The following TENM3 variants were observed in gnomAD, a reference collection of about 807,000 sequenced individuals.
TENM3 encodes the protein teneurin-3.
TENM3 carries 63 observed loss-of-function variants against 255.1 expected under a neutral mutation model. That is an observed-to-expected ratio of 0.25 (90% CI 0.20 to 0.30). TENM3 has a LOEUF of 0.30. TENM3 is among the 10% of genes least tolerant of loss of function. The pLI is 1.00. For synonymous variants in TENM3, 1,306 were observed against 1,322.3 expected (o/e 0.99, Z 0.27); for missense variants, 2,929 against 3,461.1 (o/e 0.85, Z 3.86).
At chr4:181,522,125 AAAAAAG>A in the TENM3 span, among the ~76,000 whole-genome samples, 18 of 149,530 alleles carry the variant, frequency 1.2e-4, no homozygotes, top group South Asian at 1.3e-3. Flanking sequence ...AAAAAAAAAA[AAAAAAG>A]AAGAAGCTAA....
the TENM3 span, among the ~76,000 whole-genome samples, chr4:181,952,086 C>T: frequency 6.6e-6 from 1 of 152,098 alleles, no homozygotes; most frequent in Non-Finnish European, 1.5e-5. Context: ...TGTCATAATG[C>T]CTGTCGTGAA....
intron 5 of TENM3, among the ~76,000 whole-genome samples, chr4:182,642,131 T>C (rs1752369076): frequency 6.6e-6 from 1 of 152,212 alleles, no homozygotes; most frequent in Non-Finnish European, 1.5e-5. Flanking sequence ...TTCTCTAGCT[T>C]ATAGGTAATG....
chr4:181,707,051 A>G, the TENM3 span, among the ~76,000 whole-genome samples: 3 of 152,134 alleles, frequency 2.0e-5, no homozygotes, highest in Non-Finnish European at 4.4e-5. Flanking sequence ...TGCAGGCCAT[A>G]CTGTTATATT....
intron 3 of TENM3, among the ~76,000 whole-genome samples, chr4:182,412,283 A>G (rs1037719043): frequency 1.3e-5 from 2 of 152,150 alleles, no homozygotes; most frequent in African/African-American, 2.4e-5. Context: ...CAAGGTGCCA[A>G]TACAAGATCT....
the TENM3 span, among the ~76,000 whole-genome samples, chr4:181,511,535 C>T: frequency 6.6e-6 from 1 of 152,206 alleles, no homozygotes; most frequent in Non-Finnish European, 1.5e-5. Context: ...AGGCTGCCCT[C>T]TAAAACAGCA....
the TENM3 span, among the ~76,000 whole-genome samples, chr4:181,562,967 G>A: frequency 6.6e-6 from 1 of 152,204 alleles, no homozygotes; most frequent in Non-Finnish European, 1.5e-5. Context: ...GAGCCACCGT[G>A]CCGGGCCCTT....
chr4:182,211,346 A>G (rs1755029629), intron 1 of TENM3, among the ~76,000 whole-genome samples: 1 of 152,206 alleles, frequency 6.6e-6, no homozygotes, highest in Non-Finnish European at 1.5e-5. Flanking sequence ...ACACTAATAA[A>G]TTAGATTCAG....
chr4:182,718,151 C>T lies in TENM3; in HGVS notation c.2368+3918C>T, dbSNP rs75054495. On this transcript the variant is annotated intron_variant, in intron 13 of 27. Coordinates refer to ENST00000511685, the MANE Select transcript of TENM3 (RefSeq NM_001080477.4). Reference sequence around the variant, plus strand: ...AAAGACCCTGGTCTCACATGTGAGACGTTCAACTCAAACATTATTACACGT... The same window carrying T: ...AAAGACCCTGGTCTCACATGTGAGATGTTCAACTCAAACATTATTACACGT... Among the ~76,000 whole-genome samples the T allele has an allele frequency of 2.7e-4, 41 of 151,808 alleles. No individual in the cohort carries two copies. In the East Asian group the frequency reaches 6.0e-3, roughly 22 times the overall value.
chr4:182,729,515 T>A (rs1760507507), intron 14 of TENM3, among the ~76,000 whole-genome samples: 1 of 152,232 alleles, frequency 6.6e-6, no homozygotes. Context: ...GTGCACTTTT[T>A]TTTTTTTAGC....
intron 13 of TENM3, among the ~76,000 whole-genome samples, chr4:182,724,949 AT>A (rs2152700674): frequency 6.6e-6 from 1 of 152,330 alleles, no homozygotes; most frequent in South Asian, 2.1e-4. Flanking sequence ...AAGGTACTAT[AT>A]CATAAAACAC....
chr4:182,207,439 C>T (rs1260150953), intron 1 of TENM3, among the ~76,000 whole-genome samples: 1 of 152,194 alleles, frequency 6.6e-6, no homozygotes, highest in Non-Finnish European at 1.5e-5. Context: ...CTAAACAGGA[C>T]TCCAAAGCTT....
At chr4:182,140,992 C>G (rs1453491887), upstream of TENM3, among the ~76,000 whole-genome samples, 1 of 148,816 alleles carries the variant, frequency 6.7e-6, no homozygotes, top group African/African-American at 2.5e-5. Flanking sequence ...TATATCCCTC[C>G]CCCCCGCCCC....
At chr4:181,474,341 A>T in the TENM3 span, among the ~76,000 whole-genome samples, 1 of 152,160 alleles carries the variant, frequency 6.6e-6, no homozygotes, top group African/African-American at 2.4e-5. Flanking sequence ...AAAGACTAGA[A>T]AGTCATTCTA....
intron 3 of TENM3, among the ~76,000 whole-genome samples, chr4:182,503,204 G>A (rs1736490463): frequency 6.6e-6 from 1 of 152,054 alleles, no homozygotes; most frequent in Admixed American, 6.6e-5. Context: ...TGGGGAGAGT[G>A]TATACATGTG....
intron 3 of TENM3, among the ~76,000 whole-genome samples, chr4:182,557,641 A>G (rs1181256338): frequency 6.6e-6 from 1 of 152,138 alleles, no homozygotes; most frequent in Admixed American, 6.6e-5. Context: ...ATGCTTAAAT[A>G]GAAGCCACAG....
intron 24 of TENM3, among the ~76,000 whole-genome samples, chr4:182,777,865 A>G (rs1026887638): frequency 2.0e-5 from 3 of 149,888 alleles, no homozygotes; most frequent in African/African-American, 7.3e-5. Context: ...TTATATATAT[A>G]TATATATATG....
the TENM3 span, among the ~76,000 whole-genome samples, chr4:181,771,587 A>C: frequency 6.6e-6 from 1 of 152,260 alleles, no homozygotes; most frequent in Non-Finnish European, 1.5e-5. Context: ...GATGCCCGGC[A>C]GACAAACTGC....
intron 3 of TENM3, among the ~76,000 whole-genome samples, chr4:182,488,189 A>G (rs1169204730): frequency 6.6e-6 from 1 of 152,176 alleles, no homozygotes; most frequent in Non-Finnish European, 1.5e-5. Flanking sequence ...GAAGGGGGTC[A>G]TTGTTGAAAC....
the TENM3 span, among the ~76,000 whole-genome samples, chr4:181,997,221 A>T: frequency 6.6e-6 from 1 of 152,080 alleles, no homozygotes; most frequent in African/African-American, 2.4e-5. Context: ...AGTTGGTTTT[A>T]TTGGTGTCAA....
Sources: allele counts gnomAD v4.1 joint callset (sites outside exome capture counted in the v4.1 genomes callset), GRCh38; gene constraint gnomAD v4.1.1; transcripts MANE v1.5; gene names NCBI Gene and HGNC (gene_info 2026-07-23, HGNC 2026-07-21).